PSG3: variants seen among roughly 807,000 people sequenced by gnomAD.
The protein encoded by PSG3 is pregnancy-specific beta-1-glycoprotein 3.
PSG3 carries 61 observed loss-of-function variants against 47.5 expected under a neutral mutation model. That is an observed-to-expected ratio of 1.28 (90% CI 1.05 to 1.59). The LOEUF is 1.59. Among genes scored for constraint, PSG3 ranks in the 40% most tolerant of loss-of-function variants. PSG3 has a pLI of 0.00. For missense variants in PSG3, 756 were observed against 524.0 expected (o/e 1.44, Z -4.32); for synonymous variants, 263 against 198.4 (o/e 1.33, Z -2.74).
intron 3 of PSG3, among the ~76,000 whole-genome samples, chr19:42,731,192 C>T (rs1332908739): frequency 6.6e-6 from 1 of 152,144 alleles, no homozygotes; most frequent in East Asian, 1.9e-4. Flanking sequence ...GAGCTTGATG[C>T]CTATAGTTCA....
chr19:42,738,060 A>C (rs1304964161), intron 2 of PSG3, among the ~76,000 whole-genome samples: 1 of 152,152 alleles, frequency 6.6e-6, no homozygotes, highest in Non-Finnish European at 1.5e-5. Flanking sequence ...TAGACTTTCT[A>C]TGGACTGGCC....
At chr19:42,740,280 G>A (rs537531739) in intron 1 of PSG3, 41 bp downstream of exon 1, 2 of 1,613,704 alleles carry the variant, frequency 1.2e-6, no homozygotes, top group Admixed American at 1.7e-5. Flanking sequence ...CAGTCACTCT[G>A]CTTCCTCCTC....
At chr19:42,724,953 C>CG (rs1969353023) in intron 5 of PSG3, among the ~76,000 whole-genome samples, 1 of 152,092 alleles carries the variant, frequency 6.6e-6, no homozygotes, top group African/African-American at 2.4e-5. Context: ...AATACTTTCC[C>CG]TGTATCTCAT....
Position 42,738,794 on chromosome 19 carries a change from G to T in PSG3, c.360C>A (p.Tyr120Ter). The change falls in exon 2 of 7, where the codon TAC (tyrosine) becomes TAA (stop). Residue 120 changes from tyrosine (Y) to a stop codon, truncating the protein, a stop_gained. Transcript: ENST00000327495. LOFTEE classifies it high-confidence loss of function. ...QNVTREDAGS[Y>*]TLHIVKRGDG... is the part of the protein sequence containing the mutation. ...CACCTCGCTTTACGATGTGTAAGGTGTAGGATCCTGCGTCCTCCCGGGTGA... is the reference window on the plus strand; with the variant it reads ...CACCTCGCTTTACGATGTGTAAGGTTTAGGATCCTGCGTCCTCCCGGGTGA... The T allele has an allele frequency of 6.2e-7, 1 of 1,614,110 alleles. No homozygotes were observed. Among genetic ancestry groups the T allele is most frequent in the Non-Finnish European group, 8.5e-7 (1 of 1,179,986 alleles).
chr19:42,724,917 C>G (rs1174774005), intron 5 of PSG3, among the ~76,000 whole-genome samples: 1 of 152,022 alleles, frequency 6.6e-6, no homozygotes, highest in Non-Finnish European at 1.5e-5. Context: ...TTGAGGGGCA[C>G]TTCCTATGTG....
intron 3 of PSG3, chr19:42,732,557 C>T (rs141292550): frequency 9.2e-7 from 1 of 1,084,986 alleles, no homozygotes; most frequent in Admixed American, 2.8e-5. Flanking sequence ...TTGCCCATCA[C>T]AAGCTGTGGA....
Position 42,739,025 on chromosome 19 carries a change from G to T in PSG3, c.129C>A (p.Thr43=), listed in dbSNP as rs144386083. Residue 43 remains threonine, a synonymous_variant, in exon 2 of 7, where the codon ACC becomes ACA. Transcript: ENST00000327495. The part of the protein sequence containing the change: ...TAQVTIEAEP[T]KVSKGKDVLL... The stretch of plus-strand genomic sequence containing the variant: ...GAACGTCCTTCCCCTTGGAAACTTT[G>T]GTTGGCTCGGCTTCAATCGTGACTT... 36 of 1,613,748 alleles carry T rather than the reference G, an allele frequency of 2.2e-5. No homozygotes were observed. In the Middle Eastern group the frequency reaches 4.9e-4, roughly 22 times the overall value.
intron 2 of PSG3, chr19:42,733,360 C>T (rs1224937066): frequency 2.2e-6 from 1 of 453,732 alleles, no homozygotes; most frequent in East Asian, 4.1e-5. Flanking sequence ...CTGAGTCCCT[C>T]CATCTCGAAG....
chr19:42,728,601 A>C (rs1463711016), intron 5 of PSG3, among the ~76,000 whole-genome samples: 1 of 152,218 alleles, frequency 6.6e-6, no homozygotes, highest in East Asian at 1.9e-4. Context: ...GGTCCCACCC[A>C]GGTGGAGTCA....
rs1340807000 is a variant in PSG3 at position 42,729,868 on chromosome 19, C to T, written c.898G>A (p.Val300Ile). The change falls in exon 4 of 7, where the codon GTC becomes ATC. Residue 300 changes from valine to isoleucine, a missense_variant. By Grantham distance (29) the Val-to-Ile change is conservative (BLOSUM62 3). Transcript: ENST00000327495. ...TAGGGTCCTGTTTCATTTCTCGTGA[C>T]ACTGGGTAGAATGAGGATCCTGTTT... ...IENRILILPS[V>I]TRNETGPYQC... 1 of 1,612,738 alleles carries T rather than the reference C, an allele frequency of 6.2e-7. No homozygotes were observed. The highest frequency in any genetic ancestry group is 1.3e-5 in the African/African-American group (1 of 74,884).
intron 5 of PSG3, among the ~76,000 whole-genome samples, chr19:42,727,692 G>T (rs1164746481): frequency 6.6e-6 from 1 of 152,222 alleles, no homozygotes; most frequent in Non-Finnish European, 1.5e-5. Context: ...AAATGTTATA[G>T]CCACTGTAAG....
intron 2 of PSG3, among the ~76,000 whole-genome samples, chr19:42,738,145 A>C (rs984461225): frequency 6.6e-6 from 1 of 152,178 alleles, no homozygotes; most frequent in Admixed American, 6.5e-5. Context: ...GTGTCAGGTG[A>C]AGAAAGCTCT....
chr19:42,733,135 G>A (rs1969504631), intron 2 of PSG3, 73 bp from the exon 3 acceptor site: 7 of 1,558,934 alleles, frequency 4.5e-6, no homozygotes, highest in East Asian at 4.5e-5. Flanking sequence ...TTCAATCAGA[G>A]TTGGCATTTC....
At chr19:42,729,678 G>C (rs73547125) in intron 4 of PSG3, 100 bp downstream of exon 4, 6 of 1,568,864 alleles carry the variant, frequency 3.8e-6, no homozygotes, top group Non-Finnish European at 5.2e-6. Flanking sequence ...CAGAAGTAAT[G>C]GTATCTATAC....
At chr19:42,722,156 A>G in intron 6 of PSG3, 66 bp from the exon 7 acceptor site, 1 of 404,186 alleles carries the variant, frequency 2.5e-6, no homozygotes, top group Non-Finnish European at 4.4e-6. Flanking sequence ...TATGGTAAAG[A>G]CACAGCTCAC....
chr19:42,735,334 A>G (rs1404335372), intron 2 of PSG3, among the ~76,000 whole-genome samples: 4 of 152,134 alleles, frequency 2.6e-5, no homozygotes, highest in Non-Finnish European at 5.9e-5. Flanking sequence ...TCAGTCTACC[A>G]GTAAGTATCA....
Position 42,732,373 on chromosome 19 carries a change from A to G in PSG3, c.709+411T>C, listed in dbSNP as rs1969485674. ...TGTATGAGGAGGAAATGGTGGGGGCATCCAGGCCATGTGGAGCAAAGAGAA... is the reference window on the plus strand; with the variant it reads ...TGTATGAGGAGGAAATGGTGGGGGCGTCCAGGCCATGTGGAGCAAAGAGAA... On this transcript the variant is annotated intron_variant, in intron 3 of 6. Transcript: ENST00000327495. 3.1e-5 allele frequency: 9 copies of G among 294,960 alleles called. 1 individual carries two copies. The South Asian group carries it at 4.5e-4, about 15-fold the overall frequency. The allele number at this position is 294,960 out of a possible 1,614,324, so 18.3% of individuals were successfully genotyped here.
At chr19:42,731,782 A>G (rs376468590) in intron 3 of PSG3, 2 of 151,762 alleles carry the variant, frequency 1.3e-5, no homozygotes, top group African/African-American at 4.9e-5. Flanking sequence ...ATATATTGAT[A>G]TCGTCTTTAA....
intron 3 of PSG3, among the ~76,000 whole-genome samples, chr19:42,731,699 G>A (rs373626027): frequency 4.0e-5 from 6 of 151,536 alleles, no homozygotes; most frequent in East Asian, 3.9e-4. Flanking sequence ...CATTGAATCC[G>A]CAACTCACTT....
Sources: allele counts gnomAD v4.1 joint callset (sites outside exome capture counted in the v4.1 genomes callset), GRCh38; gene constraint gnomAD v4.1.1; transcripts MANE v1.5; gene names NCBI Gene and HGNC (gene_info 2026-07-23, HGNC 2026-07-21).